Variants in AR observed in about 807,000 individuals in gnomAD.
The protein encoded by AR is dihydrotestosterone receptor.
AR carries 8 observed loss-of-function variants against 53.9 expected under a neutral mutation model. That is an observed-to-expected ratio of 0.15 (90% confidence interval 0.09 to 0.27). The LOEUF is 0.27. Ranked by LOEUF, AR falls within the 10% of genes least tolerant of loss-of-function variation. The pLI is 1.00. For missense variants in AR, 639 were observed against 742.5 expected, an observed-to-expected ratio of 0.86 and a Z score of 1.62; for synonymous variants, 359 against 316.4, an observed-to-expected ratio of 1.13 and a Z score of -1.43.
chrX:67,608,924 C>A (rs113691346), intron 1 of AR, among the ~76,000 whole-genome samples: 7,820 of 110,185 alleles, frequency 0.071, 696 homozygotes, highest in African/African-American at 0.25. Flanking sequence ...ATATTGGTGG[C>A]TATATAGATT....
At chrX:67,594,108 T>C (rs766612812) in intron 1 of AR, among the ~76,000 whole-genome samples, 1 of 112,078 alleles carries the variant, frequency 8.9e-6, no homozygotes, top group South Asian at 3.7e-4. Context: ...ATCCTCCAAC[T>C]TCACTTTCCC....
chrX:67,590,686 C>T (rs1241873756), intron 1 of AR, among the ~76,000 whole-genome samples: 1 of 111,996 alleles, frequency 8.9e-6, no homozygotes, highest in Admixed American at 9.5e-5. Context: ...AGGGATGGAT[C>T]AGATGACTTC....
At chrX:67,694,189 C>G (rs1602260833) in intron 3 of AR, among the ~76,000 whole-genome samples, 1 of 111,225 alleles carries the variant, frequency 9.0e-6, no homozygotes, top group East Asian at 2.8e-4. Context: ...ATTCTCATCT[C>G]CAGTCTGAGT....
At chrX:67,706,110 T>C (rs2076065879) in intron 3 of AR, among the ~76,000 whole-genome samples, 1 of 111,789 alleles carries the variant, frequency 8.9e-6, no homozygotes, top group Non-Finnish European at 1.9e-5. Flanking sequence ...AAATTCTCTT[T>C]TTTTGTTGTG....
intron 2 of AR, 29 bp downstream of exon 2, chrX:67,643,436 T>C: frequency 8.4e-7 from 1 of 1,193,227 alleles, no homozygotes; most frequent in Non-Finnish European, 1.1e-6. Flanking sequence ...GCACTTCTCT[T>C]TCCCTTTCTC....
At chrX:67,711,725 G>T (rs367811132) in intron 4 of AR, 36 bp downstream of exon 4, 3 of 1,168,350 alleles carry the variant, frequency 2.6e-6, no homozygotes, top group Admixed American at 4.8e-5. Context: ...GAGATAAGGG[G>T]GATCATATTT....
intron 1 of AR, among the ~76,000 whole-genome samples, chrX:67,618,168 AG>A (rs1924206704): frequency 9.0e-6 from 1 of 111,405 alleles, no homozygotes. Context: ...GAGTATAGCA[AG>A]TGGTTATTTT....
chrX:67,726,246 T>C lies in AR; in HGVS notation c.*2405T>C, dbSNP rs373646209. 3.5e-5 allele frequency: 6 copies of C among 173,589 alleles called. No individual in the cohort carries two copies. The highest frequency in any genetic ancestry group is 1.8e-4 in the African/African-American group (6 of 33,860). The allele number at this position is 173,589 out of a possible 1,213,427, so 14.3% of individuals were successfully genotyped here. ...TTCCCTTTTTGGGGTGGGATAGACA[T>C]GTTCTGGTTTTCTTTATTATTACAC... On this transcript the variant is annotated 3_prime_UTR_variant, in exon 8 of 8. Coordinates refer to ENST00000374690, the MANE Select transcript of AR (RefSeq NM_000044.6).
intron 1 of AR, among the ~76,000 whole-genome samples, chrX:67,547,533 T>C (rs1223601475): frequency 8.9e-6 from 1 of 112,215 alleles, no homozygotes. Context: ...GTTTATTTTC[T>C]CTGTGGATTA....
At chrX:67,607,946 C>G (rs775752385) in intron 1 of AR, among the ~76,000 whole-genome samples, 1 of 111,705 alleles carries the variant, frequency 9.0e-6, no homozygotes, top group East Asian at 2.8e-4. Flanking sequence ...GTTCTGTTGC[C>G]CATGTGCAAG....
chrX:67,560,718 C>T (rs1921262989), intron 1 of AR, among the ~76,000 whole-genome samples: 1 of 111,840 alleles, frequency 8.9e-6, no homozygotes, highest in Admixed American at 9.5e-5. Flanking sequence ...GTCACTGTCA[C>T]TTTAAACCAT....
intron 3 of AR, among the ~76,000 whole-genome samples, chrX:67,708,559 G>T (rs2076079317): frequency 9.0e-6 from 1 of 111,311 alleles, no homozygotes; most frequent in Admixed American, 9.6e-5. Flanking sequence ...CTTTTTTCAA[G>T]GTTTTTAACT....
rs1300121028 is a variant in AR, at chrX:67,726,574, G to A, written c.*2733G>A. The stretch of plus-strand genomic sequence containing the variant: ...AAAGCCAAAAATCAGTGAAACAGCA[G>A]TGTAATTAAAAGCAACAACTGGATT... On this transcript the variant is annotated 3_prime_UTR_variant, in exon 8 of 8. Coordinates refer to ENST00000374690, the MANE Select transcript of AR (RefSeq NM_000044.6). 5.2e-5 allele frequency: 9 copies of A among 174,323 alleles called. No homozygotes were observed. 14.4% of individuals were successfully genotyped at this position (174,323 alleles called of 1,213,427 possible).
At chrX:67,692,783 A>C (rs1234028479) in intron 3 of AR, among the ~76,000 whole-genome samples, 1 of 111,798 alleles carries the variant, frequency 8.9e-6, no homozygotes, top group Non-Finnish European at 1.9e-5. Context: ...GCTCCCAGTC[A>C]CCACTGGGGT....
At chrX:67,652,689 A>G (rs1309793775) in intron 2 of AR, among the ~76,000 whole-genome samples, 1 of 111,929 alleles carries the variant, frequency 8.9e-6, no homozygotes, top group Non-Finnish European at 1.9e-5. Flanking sequence ...GTGAGGCAGC[A>G]TAGTAAGCAT....
rs184286103 is a variant in AR, at chrX:67,711,743, G to A, written c.2173+54G>A. On this transcript the variant is annotated intron_variant, in intron 4 of 7. Transcript: ENST00000374690. The stretch of plus-strand genomic sequence containing the variant: ...ATAAGGGGGATCATATTTAGTGAAC[G>A]CTCCTATGGACCAGCCACCATGTCT... The A allele has an allele frequency of 5.7e-5, 64 of 1,122,879 alleles. No homozygotes were observed. The Middle Eastern group carries it at 4.7e-3, about 82-fold the overall frequency. 92.5% of individuals were successfully genotyped at this position (1,122,879 alleles called of 1,213,427 possible).
At chrX:67,594,984 T>A (rs1923012463) in intron 1 of AR, among the ~76,000 whole-genome samples, 1 of 109,963 alleles carries the variant, frequency 9.1e-6, no homozygotes, top group Non-Finnish European at 1.9e-5. Flanking sequence ...AGAGACAGGC[T>A]CCTCCGCTTT....
chrX:67,677,156 A>AAG (rs896970154), intron 2 of AR, among the ~76,000 whole-genome samples: 2 of 111,177 alleles, frequency 1.8e-5, no homozygotes, highest in East Asian at 2.8e-4. Context: ...TATGAAAGGA[A>AAG]AGAGAGAGAG....
chrX:67,644,978 A>G (rs1417195568), intron 2 of AR, among the ~76,000 whole-genome samples: 1 of 110,645 alleles, frequency 9.0e-6, no homozygotes, highest in African/African-American at 3.3e-5. Context: ...GATGGGTTCC[A>G]GAGACTTCAG....
Sources: gnomAD v4.1 joint callset for allele counts (sites outside exome capture counted in the v4.1 genomes callset) on GRCh38, gnomAD v4.1.1 for gene constraint, MANE v1.5 for transcripts, NCBI Gene and HGNC (gene_info 2026-07-23, HGNC 2026-07-21) for gene names.